Variants in POFUT3 observed in about 807,000 individuals in gnomAD.
The protein encoded by POFUT3 is protein O-fucosyltransferase 3.
the POFUT3 span, among the ~76,000 whole-genome samples, chr8:33,421,015 T>C: frequency 2.6e-5 from 4 of 151,908 alleles, no homozygotes; most frequent in African/African-American, 7.2e-5. Flanking sequence ...GAAGACACTA[T>C]AGGAAAGACA....
chr8:33,433,784 G>A, the POFUT3 span, among the ~76,000 whole-genome samples: 7 of 149,060 alleles, frequency 4.7e-5, no homozygotes, highest in South Asian at 2.1e-4. Context: ...ATTCAGTCTC[G>A]GGAAAAAAAA....
At chr8:33,349,233 GGCAAGTAGCCAT>G in the POFUT3 span, among the ~76,000 whole-genome samples, 1 of 152,144 alleles carries the variant, frequency 6.6e-6, no homozygotes, top group Non-Finnish European at 1.5e-5. Flanking sequence ...CCTTTTCCTG[GGCAAGTAGCCAT>G]GCAAGCTCCT....
At chr8:33,388,815 G>A in the POFUT3 span, 10 of 672,686 alleles carry the variant, frequency 1.5e-5, no homozygotes, top group Non-Finnish European at 2.6e-5. Context: ...AGGTAGTAAT[G>A]GAATATTCAA....
the POFUT3 span, among the ~76,000 whole-genome samples, chr8:33,401,030 G>T: frequency 6.6e-6 from 1 of 152,098 alleles, no homozygotes; most frequent in Non-Finnish European, 1.5e-5. Context: ...GCCCAAGCTG[G>T]AGTACAGTGG....
At chr8:33,320,005 T>A in the POFUT3 span, among the ~76,000 whole-genome samples, 2 of 151,368 alleles carry the variant, frequency 1.3e-5, no homozygotes, top group East Asian at 3.9e-4. Context: ...TGGAATAGAC[T>A]ATACCATCCT....
At chr8:33,435,453 T>C in the POFUT3 span, among the ~76,000 whole-genome samples, 1 of 151,350 alleles carries the variant, frequency 6.6e-6, no homozygotes, top group Non-Finnish European at 1.5e-5. Flanking sequence ...CCTGACTTTA[T>C]GATCTGCCCA....
At chr8:33,399,957 A>G in the POFUT3 span, among the ~76,000 whole-genome samples, 4 of 151,970 alleles carry the variant, frequency 2.6e-5, no homozygotes, top group Non-Finnish European at 5.9e-5. Flanking sequence ...CCCAGCCTAA[A>G]AGTAGTAATC....
the POFUT3 span, among the ~76,000 whole-genome samples, chr8:33,353,268 C>A: frequency 2.6e-4 from 40 of 152,282 alleles, no homozygotes; most frequent in African/African-American, 8.9e-4. Context: ...TTCCCAACAT[C>A]TTTTATGAGA....
the POFUT3 span, among the ~76,000 whole-genome samples, chr8:33,344,307 G>A: frequency 6.6e-6 from 1 of 152,208 alleles, no homozygotes; most frequent in African/African-American, 2.4e-5. Flanking sequence ...GCTCAGAGAT[G>A]TGAATTCATT....
the POFUT3 span, chr8:33,338,934 G>A: frequency 6.6e-6 from 1 of 152,232 alleles, no homozygotes; most frequent in Non-Finnish European, 1.5e-5. Flanking sequence ...GCATGAGGAT[G>A]TCGTGCAAAT....
At chr8:33,380,100 CTATATATATACTA>C in the POFUT3 span, among the ~76,000 whole-genome samples, 13 of 59,950 alleles carry the variant, frequency 2.2e-4, 1 homozygote, top group South Asian at 6.1e-4. Flanking sequence ...TATATATACA[CTATATATATACTA>C]TATATATACA....
chr8:33,375,683 A>C, the POFUT3 span, among the ~76,000 whole-genome samples: 1 of 152,216 alleles, frequency 6.6e-6, no homozygotes, highest in Non-Finnish European at 1.5e-5. Context: ...TCAAACACTG[A>C]ATATAAAAAG....
At chr8:33,432,706 G>T in the POFUT3 span, among the ~76,000 whole-genome samples, 1 of 152,084 alleles carries the variant, frequency 6.6e-6, no homozygotes, top group Admixed American at 6.6e-5. Flanking sequence ...ATAAAGGCCT[G>T]AATATACTAA....
the POFUT3 span, among the ~76,000 whole-genome samples, chr8:33,471,847 C>CA: frequency 6.6e-6 from 1 of 152,146 alleles, no homozygotes; most frequent in Non-Finnish European, 1.5e-5. Context: ...GTTATTACAG[C>CA]AATTTCGAAA....
At chr8:33,441,663 G>A in the POFUT3 span, among the ~76,000 whole-genome samples, 2 of 151,902 alleles carry the variant, frequency 1.3e-5, no homozygotes, top group East Asian at 2.0e-4. Flanking sequence ...TTACAGGCAC[G>A]AGCCACTGCA....
At chr8:33,356,234 G>A in the POFUT3 span, among the ~76,000 whole-genome samples, 2 of 152,154 alleles carry the variant, frequency 1.3e-5, no homozygotes, top group Non-Finnish European at 2.9e-5. Flanking sequence ...CTAGATCCCT[G>A]AGGAATCGCC....
the POFUT3 span, among the ~76,000 whole-genome samples, chr8:33,355,098 T>C: frequency 1.3e-5 from 2 of 152,184 alleles, no homozygotes; most frequent in Non-Finnish European, 1.5e-5. Context: ...TGCAAACAAA[T>C]CAGGTGAGAG....
At chr8:33,364,996 C>A in the POFUT3 span, among the ~76,000 whole-genome samples, 15 of 152,272 alleles carry the variant, frequency 9.9e-5, no homozygotes, top group South Asian at 2.9e-3. Context: ...ATCATGCTAC[C>A]TGACTTCAAA....
chr8:33,459,965 G>A, the POFUT3 span, among the ~76,000 whole-genome samples: 2 of 152,302 alleles, frequency 1.3e-5, no homozygotes, highest in South Asian at 4.1e-4. Flanking sequence ...GGAGGCCGAG[G>A]CGGGTGGATC....
Sources: gnomAD v4.1 joint callset for allele counts (sites outside exome capture counted in the v4.1 genomes callset) on GRCh38, gnomAD v4.1.1 for gene constraint, MANE v1.5 for transcripts, NCBI Gene and HGNC (gene_info 2026-07-23, HGNC 2026-07-21) for gene names.